The following CCDC82 variants were observed in gnomAD, a reference collection of about 807,000 sequenced individuals.
The protein encoded by CCDC82 is coiled-coil domain containing 82.
Under a neutral mutation model 60.6 loss-of-function variants are expected in CCDC82, and 47 were observed. That is an observed-to-expected ratio of 0.77 (90% confidence interval 0.61 to 0.99). CCDC82 has a LOEUF of 0.99. Among genes scored for constraint, CCDC82 ranks in the 50% least tolerant of loss-of-function variants. The pLI, the probability that CCDC82 is intolerant of heterozygous loss-of-function variation, is 0.00. For synonymous variants in CCDC82, 212 were observed against 207.4 expected (o/e 1.02, Z -0.19); for missense variants, 588 against 633.0 (o/e 0.93, Z 0.76).
Position 96,381,534 on chromosome 11 carries a change from C to T in CCDC82, c.991+1735G>A, listed in dbSNP as rs964924467. 6 of 151,666 alleles carry T rather than the reference C, an allele frequency of 4.0e-5. 1 individual carries two copies. Among genetic ancestry groups the T allele is most frequent in the Admixed American group, 2.0e-4 (3 of 15,200 alleles). 9.4% of individuals were successfully genotyped at this position (151,666 alleles called of 1,614,324 possible). A position where few individuals can be genotyped will look rare whatever the true frequency, so the allele number is the denominator to read the frequency against. ...AGAAAAAAAATAAAAGTATATCCAT[C>T]CAACACCTTGTTCCTACCAGAGCTG... On this transcript the variant is annotated intron_variant, in intron 5 of 9. Transcript: ENST00000646818.
At chr11:96,382,235 C>T (rs1865911745) in intron 5 of CCDC82, 1 of 151,774 alleles carries the variant, frequency 6.6e-6, no homozygotes, top group Non-Finnish European at 1.5e-5. Context: ...TCTGGTTATT[C>T]AGACTTGGGA....
intron 8 of CCDC82, among the ~76,000 whole-genome samples, chr11:96,361,126 C>T (rs963351795): frequency 6.6e-6 from 1 of 152,184 alleles, no homozygotes; most frequent in Non-Finnish European, 1.5e-5. Context: ...ACAAAAGTTG[C>T]CGTGACTATA....
chr11:96,367,535 C>CT (rs776289844), intron 7 of CCDC82, among the ~76,000 whole-genome samples: 2 of 152,200 alleles, frequency 1.3e-5, no homozygotes, highest in Admixed American at 1.3e-4. Flanking sequence ...CCAGTCACAT[C>CT]TTTAAGTTTC....
At chr11:96,379,516 T>C (rs896548536) in intron 5 of CCDC82, among the ~76,000 whole-genome samples, 1 of 151,800 alleles carries the variant, frequency 6.6e-6, no homozygotes, top group African/African-American at 2.4e-5. Context: ...ACTAGAAATA[T>C]AGAAAAGGGA....
At chr11:96,359,908 A>G (rs1864550529) in intron 8 of CCDC82, among the ~76,000 whole-genome samples, 1 of 151,292 alleles carries the variant, frequency 6.6e-6, no homozygotes, top group African/African-American at 2.4e-5. Flanking sequence ...ATAAGACATT[A>G]ATATTTTGCT....
At chr11:96,355,936 A>G (rs1322110410) in intron 9 of CCDC82, 1 of 152,140 alleles carries the variant, frequency 6.6e-6, no homozygotes, top group African/African-American at 2.4e-5. Flanking sequence ...AGGTCAGAAT[A>G]TAAGAGAAGT....
At chr11:96,384,846 G>T in intron 3 of CCDC82, 85 bp from the exon 4 acceptor site, 1 of 852,974 alleles carries the variant, frequency 1.2e-6, no homozygotes, top group Non-Finnish European at 1.7e-6. Flanking sequence ...ATATTTATTT[G>T]GCTTTATTTA....
At chr11:96,381,868 A>C (rs1865893286) in intron 5 of CCDC82, 1 of 151,812 alleles carries the variant, frequency 6.6e-6, no homozygotes, top group Non-Finnish European at 1.5e-5. Flanking sequence ...TGATGATGTA[A>C]AAGCAGTGAT....
intron 4 of CCDC82, among the ~76,000 whole-genome samples, chr11:96,383,678 T>C (rs901655522): frequency 1.3e-5 from 2 of 151,922 alleles, no homozygotes; most frequent in Non-Finnish European, 2.9e-5. Context: ...TTAAGTGATG[T>C]AAAATGTTTA....
rs925705805 is a variant in CCDC82, at chr11:96,357,164, G to A, written c.1566+1829C>T. On this transcript the variant is annotated intron_variant, in intron 9 of 9. Coordinates refer to ENST00000646818, the MANE Select transcript of CCDC82 (RefSeq NM_024725.4). ...GTGAGGATGGGAAATGTCAGAGCAC[G>A]TGACAAATTTTGAAATTTCATTACA... 15 of 985,270 alleles carry A rather than the reference G, an allele frequency of 1.5e-5. No individual in the cohort carries two copies. In the South Asian group the frequency reaches 1.9e-4, roughly 12 times the overall value. The allele number at this position is 985,270 out of a possible 1,614,324, so 61.0% of individuals were successfully genotyped here.
intron 5 of CCDC82, among the ~76,000 whole-genome samples, chr11:96,375,990 G>A (rs1050113893): frequency 6.6e-6 from 1 of 152,106 alleles, no homozygotes; most frequent in African/African-American, 2.4e-5. Flanking sequence ...AATGTCCCAG[G>A]AATATTGTTT....
At chr11:96,380,324 A>G (rs1031971348) in intron 5 of CCDC82, among the ~76,000 whole-genome samples, 5 of 151,796 alleles carry the variant, frequency 3.3e-5, no homozygotes, top group African/African-American at 7.2e-5. Flanking sequence ...GGATAAAATC[A>G]TTGAAAATAA....
chr11:96,365,630 A>G (rs758463610), intron 7 of CCDC82, among the ~76,000 whole-genome samples: 87 of 152,190 alleles, frequency 5.7e-4, no homozygotes, highest in Non-Finnish European at 1.1e-3. Context: ...ATAACTTACT[A>G]CAGTCCTGGG....
At chr11:96,356,369 G>C (rs1864350070) in intron 9 of CCDC82, 5 of 785,906 alleles carry the variant, frequency 6.4e-6, no homozygotes, top group Non-Finnish European at 7.7e-6. Flanking sequence ...ATATTTATCA[G>C]TGCATTTAAA....
chr11:96,355,297 C>T (rs968269611), intron 9 of CCDC82: 4 of 152,114 alleles, frequency 2.6e-5, no homozygotes, highest in East Asian at 1.9e-4. Flanking sequence ...TGGGCTCAGG[C>T]GATTCTACCA....
At chr11:96,379,187 G>A (rs1262668092) in intron 5 of CCDC82, among the ~76,000 whole-genome samples, 1 of 151,850 alleles carries the variant, frequency 6.6e-6, no homozygotes, top group Non-Finnish European at 1.5e-5. Context: ...CTGTTTTAAT[G>A]AGAAAATGTA....
intron 5 of CCDC82, among the ~76,000 whole-genome samples, chr11:96,375,411 T>G (rs560443627): frequency 1.3e-5 from 2 of 152,288 alleles, no homozygotes; most frequent in South Asian, 2.1e-4. Context: ...GATATCAGAA[T>G]GTACTTCAAA....
intron 9 of CCDC82, chr11:96,357,751 A>G (rs1864420448): frequency 1.0e-6 from 1 of 985,340 alleles, no homozygotes; most frequent in African/African-American, 1.7e-5. Flanking sequence ...CAATAAAAGC[A>G]CTTAAGAATT....
chr11:96,356,997 C>T (rs563390505), intron 9 of CCDC82: 59 of 985,356 alleles, frequency 6.0e-5, no homozygotes, highest in East Asian at 1.1e-4. Flanking sequence ...GCCATGGAGA[C>T]GGCATTCAAG....
Sources: gnomAD v4.1 joint callset for allele counts (sites outside exome capture counted in the v4.1 genomes callset) on GRCh38, gnomAD v4.1.1 for gene constraint, MANE v1.5 for transcripts, NCBI Gene and HGNC (gene_info 2026-07-23, HGNC 2026-07-21) for gene names.